The following BRF1 variants were observed in gnomAD, a reference collection of about 807,000 sequenced individuals.
BRF1 encodes the protein BRF1 general transcription factor IIIB subunit, also known as transcription factor IIIB 90 kDa subunit.
Under a neutral mutation model 81.7 loss-of-function variants are expected in BRF1, and 59 were observed. The observed-to-expected ratio is 0.72, with a 90% confidence interval of 0.59 to 0.90. The LOEUF is 0.90. Among genes scored for constraint, BRF1 ranks in the 40% least tolerant of loss-of-function variants. The probability of loss-of-function intolerance (pLI) is 0.00; values close to 1 mark genes in which losing one functional copy is unlikely to be tolerated. For missense variants in BRF1, 1,050 were observed against 936.3 expected, an observed-to-expected ratio of 1.12 and a Z score of -1.58; for synonymous variants, 491 against 395.6, an observed-to-expected ratio of 1.24 and a Z score of -2.86.
intron 1 of BRF1, among the ~76,000 whole-genome samples, chr14:105,286,773 G>C (rs1055808001): frequency 1.3e-5 from 2 of 152,146 alleles, no homozygotes; most frequent in Non-Finnish European, 2.9e-5. Context: ...GCCCGGCTGG[G>C]ATTACAGGCA....
At chr14:105,250,984 G>A in intron 5 of BRF1, 1 of 349,174 alleles carries the variant, frequency 2.9e-6, no homozygotes, top group Non-Finnish European at 5.5e-6. Flanking sequence ...CTACCCTCTT[G>A]GATTCTAAGT....
chr14:105,209,441 G>A lies in BRF1; in HGVS notation c.*1110C>T, dbSNP rs587652391. 280 of 695,008 alleles carry A rather than the reference G, an allele frequency of 4.0e-4. No individual in the cohort carries two copies. The Middle Eastern group carries it at 4.6e-3, about 11-fold the overall frequency. 43.1% of individuals were successfully genotyped at this position (695,008 alleles called of 1,614,324 possible). Reference sequence around the variant, plus strand: ...GGGCCAAGTTGGGGCAGGACATACAGCCCATTCCATGGGGAGGATGAGGCC... The same window carrying A: ...GGGCCAAGTTGGGGCAGGACATACAACCCATTCCATGGGGAGGATGAGGCC... On this transcript the variant is annotated 3_prime_UTR_variant, in exon 18 of 18. Transcript: ENST00000547530.
At position 105,210,345 on chromosome 14, in the gene BRF1, C is replaced by CA. The variant is rs1889922545; in HGVS notation, c.*205dup. ...CGGCCCACATCTGATCACACACATG[C>CA]AGACGCTTGGTCCGGTTTCCCTTGC... On this transcript the variant is annotated 3_prime_UTR_variant, in exon 18 of 18. Coordinates refer to ENST00000547530, the MANE Select transcript of BRF1 (RefSeq NM_001519.4). This position sits in a 1 kb window ranked among gnomAD's most constrained non-coding sequence, Gnocchi z 4.7. 1.6e-6 allele frequency: 1 copy of CA among 606,076 alleles called. No homozygotes were observed. Among genetic ancestry groups the CA allele is most frequent in the Non-Finnish European group, 2.9e-6 (1 of 343,940 alleles). 37.5% of individuals were successfully genotyped at this position (606,076 alleles called of 1,614,324 possible).
chr14:105,215,843 CAG>C (rs1454860322), intron 15 of BRF1, among the ~76,000 whole-genome samples: 3 of 147,634 alleles, frequency 2.0e-5, no homozygotes, highest in Non-Finnish European at 4.5e-5. Context: ...ACTGCATACA[CAG>C]ACACAGGCAC....
chr14:105,226,317 C>T (rs150223827), intron 8 of BRF1, 27 bp from the exon 9 acceptor site: 66 of 1,613,928 alleles, frequency 4.1e-5, no homozygotes, highest in South Asian at 8.8e-5. Context: ...CAAGAGGCTT[C>T]GTGAAGGGAG....
At chr14:105,285,375 G>A (rs587752193) in intron 2 of BRF1, among the ~76,000 whole-genome samples, 2 of 152,316 alleles carry the variant, frequency 1.3e-5, no homozygotes, top group Non-Finnish European at 2.9e-5. Context: ...ACGGTCAATC[G>A]ATTTTCAGCA....
chr14:105,228,932 G>C lies in BRF1; in HGVS notation c.695-19C>G, dbSNP rs1478256738. 1.9e-6 allele frequency: 3 copies of C among 1,611,886 alleles called. No individual in the cohort carries two copies. The African/African-American group carries it at 4.0e-5, about 22-fold the overall frequency. On this transcript the variant is annotated intron_variant, in intron 6 of 17. Coordinates refer to ENST00000547530, the MANE Select transcript of BRF1 (RefSeq NM_001519.4). Reference sequence around the variant, plus strand: ...AGGAGCGCTGGAAGGCAACGAGACGGGCCTCGTCAACCACGGCTGGGAACC... The same window carrying C: ...AGGAGCGCTGGAAGGCAACGAGACGCGCCTCGTCAACCACGGCTGGGAACC...
At chr14:105,274,880 C>T (rs1159477407) in intron 2 of BRF1, among the ~76,000 whole-genome samples, 1 of 152,150 alleles carries the variant, frequency 6.6e-6, no homozygotes, top group Non-Finnish European at 1.5e-5. Context: ...TTGCTCCAGG[C>T]AATTAGCCCC....
At chr14:105,291,594 A>G (rs963469639) in intron 1 of BRF1, among the ~76,000 whole-genome samples, 4 of 152,054 alleles carry the variant, frequency 2.6e-5, no homozygotes, top group Admixed American at 2.6e-4. Context: ...AGGCAGGAGA[A>G]CTGCTTGAAC....
chr14:105,215,461 C>T (rs1890974303), intron 15 of BRF1, among the ~76,000 whole-genome samples: 1 of 151,856 alleles, frequency 6.6e-6, no homozygotes, highest in Non-Finnish European at 1.5e-5. Context: ...TGTGTGCAGA[C>T]ACCAGAACAC....
chr14:105,249,736 CTG>C (rs1287041724), intron 5 of BRF1: 1 of 1,613,944 alleles, frequency 6.2e-7, no homozygotes, highest in African/African-American at 1.3e-5. Context: ...TGGCAAAAGC[CTG>C]TGTCAACTTT....
rs587761990 is a variant in BRF1 at position 105,225,711 on chromosome 14, G to T, written c.1048+358C>A. ...CACCCAGGCTGGAGTGCCGTGGTGC[G>T]ATCTTGGCTCACTGCTACCTCCACT... On this transcript the variant is annotated intron_variant, in intron 10 of 17. Transcript: ENST00000547530. Among the ~76,000 whole-genome samples the T allele has an allele frequency of 2.0e-5, 3 of 151,926 alleles. No homozygotes were observed. In the South Asian group the frequency reaches 6.2e-4, roughly 32 times the overall value.
intron 1 of BRF1, among the ~76,000 whole-genome samples, chr14:105,292,362 TG>T (rs2057552519): frequency 6.6e-6 from 1 of 152,024 alleles, no homozygotes; most frequent in Non-Finnish European, 1.5e-5. Flanking sequence ...TTTTGTATTT[TG>T]GGGTTTTTTC....
intron 5 of BRF1, among the ~76,000 whole-genome samples, chr14:105,243,979 G>A (rs1439330642): frequency 3.3e-5 from 5 of 152,164 alleles, no homozygotes; most frequent in East Asian, 3.9e-4. Flanking sequence ...CAGCCTAGGC[G>A]ACAGAGCGAG....
chr14:105,257,820 G>T (rs2055959121), intron 3 of BRF1, among the ~76,000 whole-genome samples: 1 of 152,154 alleles, frequency 6.6e-6, no homozygotes, highest in Admixed American at 6.5e-5. Flanking sequence ...GTGACTCCAA[G>T]CATACACCTT....
Position 105,261,775 on chromosome 14 carries a change from G to A in BRF1, c.440-5226C>T, listed in dbSNP as rs587717115. 6.6e-5 allele frequency among the ~76,000 whole-genome samples: 10 copies of A among 152,330 alleles called. No homozygotes were observed. In the East Asian group the frequency reaches 1.5e-3, roughly 24 times the overall value. ...GGGCCGGCAGGGCCCCACCCTGAGC[G>A]GACACCAGCATTCCCGGCCCCATGG... On this transcript the variant is annotated intron_variant, in intron 3 of 17. Transcript: ENST00000547530.
chr14:105,288,389 T>C lies in BRF1; in HGVS notation c.185-2013A>G, dbSNP rs1451545795. ...ATCGCTTGAACCCAGGAGGTGGAGG[T>C]TGCAGTGAGCAGAGATGGTGCCACT... On this transcript the variant is annotated intron_variant, in intron 1 of 17. Coordinates refer to ENST00000547530, the MANE Select transcript of BRF1 (RefSeq NM_001519.4). Among the ~76,000 whole-genome samples the C allele has an allele frequency of 2.0e-5, 3 of 151,124 alleles. No individual in the cohort carries two copies. The East Asian group carries it at 5.9e-4, about 30-fold the overall frequency.
At chr14:105,250,032 G>A in intron 5 of BRF1, 1 of 1,612,952 alleles carries the variant, frequency 6.2e-7, no homozygotes, top group South Asian at 1.1e-5. Flanking sequence ...CGAAACAAGA[G>A]GCATGTTCTG....
At chr14:105,229,321 C>G (rs587665930) in intron 6 of BRF1, among the ~76,000 whole-genome samples, 2 of 152,186 alleles carry the variant, frequency 1.3e-5, no homozygotes, top group African/African-American at 2.4e-5. Flanking sequence ...TTCACCAAGG[C>G]CACAGTGGGC....
Sources: allele counts gnomAD v4.1 joint callset (sites outside exome capture counted in the v4.1 genomes callset), GRCh38; gene constraint gnomAD v4.1.1; non-coding constraint Gnocchi (gnomAD v3.1); transcripts MANE v1.5; gene names NCBI Gene and HGNC (gene_info 2026-07-23, HGNC 2026-07-21).